Variants in ADAMTS14 observed in about 807,000 individuals in gnomAD.
ADAMTS14 encodes ADAM metallopeptidase with thrombospondin type 1 motif 14, also known as A disintegrin and metalloproteinase with thrombospondin motifs 14.
A neutral mutation model predicts 128.6 loss-of-function variants in ADAMTS14; 100 were observed. The ratio of observed to expected loss-of-function variants is 0.78; its 90% confidence interval spans 0.66 to 0.92. The LOEUF is 0.92. Among genes scored for constraint, ADAMTS14 ranks in the 40% least tolerant of loss-of-function variants. ADAMTS14 has a pLI of 0.00. For missense variants in ADAMTS14, 1,562 were observed against 1,658.6 expected (o/e 0.94, Z 1.01); for synonymous variants, 665 against 653.8 (o/e 1.02, Z -0.26).
chr10:70,686,738 C>T (rs1839967657), intron 2 of ADAMTS14, among the ~76,000 whole-genome samples: 1 of 45,800 alleles, frequency 2.2e-5, no homozygotes, highest in Non-Finnish European at 4.6e-5. Context: ...CCCCGCCTTT[C>T]CCGCCTTTCT....
chr10:70,688,443 A>G (rs7477050), intron 2 of ADAMTS14, among the ~76,000 whole-genome samples: 3 of 50,830 alleles, frequency 5.9e-5, no homozygotes, highest in Non-Finnish European at 8.8e-5. Context: ...AGGCAGAGAC[A>G]CTCCTCACTT....
intron 2 of ADAMTS14, among the ~76,000 whole-genome samples, chr10:70,687,852 C>A (rs1840028254): frequency 1.5e-5 from 1 of 65,674 alleles, no homozygotes; most frequent in African/African-American, 5.9e-5. Flanking sequence ...GGGCGGCTGG[C>A]CGGGCGGGGG....
chr10:70,743,892 C>G (rs571746862), intron 13 of ADAMTS14, among the ~76,000 whole-genome samples, 174 bp from the exon 14 acceptor site: 1 of 152,170 alleles, frequency 6.6e-6, no homozygotes, highest in Admixed American at 6.5e-5. Flanking sequence ...CTCATCACGC[C>G]GGGTGTAAGA....
intron 3 of ADAMTS14, among the ~76,000 whole-genome samples, chr10:70,705,399 C>T (rs1840631162): frequency 6.6e-6 from 1 of 152,250 alleles, no homozygotes; most frequent in African/African-American, 2.4e-5. Context: ...CTCCGTGGGG[C>T]TGCCCATGCC....
At chr10:70,749,239 CGTT>C (rs918127331) in intron 15 of ADAMTS14, among the ~76,000 whole-genome samples, 16 of 152,182 alleles carry the variant, frequency 1.1e-4, no homozygotes, top group African/African-American at 3.9e-4. Flanking sequence ...GAACTCTTCT[CGTT>C]GTCCTGAGAG....
At position 70,672,812 on chromosome 10, in the gene ADAMTS14, C is replaced by G. The variant is rs1184839191; in HGVS notation, c.10C>G (p.Leu4Val). The part of the protein sequence containing the change: MAP[L>V]RALLSYLLPL... ...GTCCCAGCGCGGCCACATGGCTCCA[C>G]TCCGCGCGCTGCTGTCCTACCTGCT... Residue 4 changes from leucine (L) to valine (V), a missense_variant, in exon 1 of 22, where the codon CTC becomes GTC. By Grantham distance (32) the Leu-to-Val change is conservative (BLOSUM62 1). Coordinates refer to ENST00000373207, the MANE Select transcript of ADAMTS14 (RefSeq NM_080722.4). 31 of 1,511,268 alleles carry G rather than the reference C, an allele frequency of 2.1e-5. No individual in the cohort carries two copies. Among genetic ancestry groups the G allele is most frequent in the Non-Finnish European group, 2.7e-5 (31 of 1,134,022 alleles). The allele number at this position is 1,511,268 out of a possible 1,614,324, so 93.6% of individuals were successfully genotyped here.
chr10:70,732,212 C>T (rs1214381452), intron 6 of ADAMTS14, 42 bp from the exon 7 acceptor site: 4 of 1,555,054 alleles, frequency 2.6e-6, no homozygotes, highest in Non-Finnish European at 3.5e-6. Context: ...GCCTCACCTG[C>T]CCTCCACCTC....
In ADAMTS14 at chr10:70,672,594, C is replaced by A. The variant is rs1454281646; in HGVS notation, c.-209C>A. Among the ~76,000 whole-genome samples the A allele has an allele frequency of 6.6e-6, 1 of 151,648 alleles. No individual in the cohort carries two copies. The highest frequency in any genetic ancestry group is 1.5e-5 in the Non-Finnish European group (1 of 67,862). The stretch of plus-strand genomic sequence containing the variant: ...CCCCGCTCTCCAGCCGGCAGCCTCG[C>A]GCGCCCGGAGCCAGCGGTCCAGGCG... On this transcript the variant is annotated 5_prime_UTR_variant, in exon 1 of 22. Transcript: ENST00000373207.
chr10:70,710,173 A>C (rs945631013), intron 4 of ADAMTS14, among the ~76,000 whole-genome samples: 3 of 152,140 alleles, frequency 2.0e-5, no homozygotes, highest in Non-Finnish European at 4.4e-5. Context: ...GGCCTGGGGG[A>C]GGTGGGCAGT....
At chr10:70,721,721 G>A (rs1270922102) in intron 4 of ADAMTS14, among the ~76,000 whole-genome samples, 1 of 152,206 alleles carries the variant, frequency 6.6e-6, no homozygotes, top group African/African-American at 2.4e-5. Context: ...CACAGATAAG[G>A]CAACATGAAC....
At chr10:70,711,799 C>T (rs879330535) in intron 4 of ADAMTS14, among the ~76,000 whole-genome samples, 5 of 152,006 alleles carry the variant, frequency 3.3e-5, no homozygotes, top group Non-Finnish European at 7.4e-5. Flanking sequence ...ATGGTATCCA[C>T]GAGAGAAGCG....
At chr10:70,755,508 A>G (rs1399957636) in intron 19 of ADAMTS14, among the ~76,000 whole-genome samples, 1 of 151,962 alleles carries the variant, frequency 6.6e-6, no homozygotes. Context: ...TGATTGTACA[A>G]CAATGGGAAT....
chr10:70,693,231 G>A (rs967824138), intron 2 of ADAMTS14, among the ~76,000 whole-genome samples: 8 of 152,088 alleles, frequency 5.3e-5, no homozygotes, highest in Non-Finnish European at 1.2e-4. Flanking sequence ...ACCATTCCCC[G>A]CCTCTAACAC....
At chr10:70,673,281 GTC>G (rs67395045) in intron 1 of ADAMTS14, among the ~76,000 whole-genome samples, 32,447 of 151,638 alleles carry the variant, frequency 0.21, 3,870 homozygotes, top group South Asian at 0.32. Context: ...GTGTGTGTGT[GTC>G]TGTGTGTGGC....
chr10:70,679,489 G>A (rs1471695593), intron 2 of ADAMTS14, among the ~76,000 whole-genome samples: 1 of 152,178 alleles, frequency 6.6e-6, no homozygotes, highest in South Asian at 2.1e-4. Flanking sequence ...TCCTGGAGAA[G>A]TTGTGGCGTG....
At chr10:70,710,372 G>C (rs1397387951) in intron 4 of ADAMTS14, among the ~76,000 whole-genome samples, 1 of 152,254 alleles carries the variant, frequency 6.6e-6, no homozygotes, top group Non-Finnish European at 1.5e-5. Context: ...GAAGGCCAAA[G>C]CTTCCAGCCC....
Position 70,741,030 on chromosome 10 carries a change from T to C in ADAMTS14, c.1792T>C (p.Tyr598His), listed in dbSNP as rs759954536. 6.2e-7 allele frequency: 1 copy of C among 1,614,092 alleles called. No individual in the cohort carries two copies. The highest frequency in any genetic ancestry group is 2.2e-5 in the East Asian group (1 of 44,876). ...GRLCLGPMFEYQVCNSEECPG... is the reference protein window; with the variant it reads ...GRLCLGPMFEHQVCNSEECPG... ...CCTGTGCTTAGGGCCCATGTTCGAGTACCAGGTCTGCAACAGCGAGGAGTG... is the reference window on the plus strand; with the variant it reads ...CCTGTGCTTAGGGCCCATGTTCGAGCACCAGGTCTGCAACAGCGAGGAGTG... The change falls in exon 12 of 22, where the codon TAC becomes CAC. Residue 598 changes from tyrosine (Y) to histidine (H), a missense_variant. Coordinates refer to ENST00000373207, the MANE Select transcript of ADAMTS14 (RefSeq NM_080722.4).
intron 4 of ADAMTS14, among the ~76,000 whole-genome samples, chr10:70,713,929 C>G (rs1840938009): frequency 6.6e-6 from 1 of 152,236 alleles, no homozygotes; most frequent in South Asian, 2.1e-4. Flanking sequence ...TGCCGTGACT[C>G]ACACCTATAA....
intron 4 of ADAMTS14, among the ~76,000 whole-genome samples, chr10:70,713,996 C>T (rs541046787): frequency 4.6e-5 from 7 of 152,240 alleles, no homozygotes; most frequent in African/African-American, 1.7e-4. Context: ...GAGTTCAAGA[C>T]AAGCCTGGGC....
Sources: allele counts gnomAD v4.1 joint callset (sites outside exome capture counted in the v4.1 genomes callset), GRCh38; gene constraint gnomAD v4.1.1; transcripts MANE v1.5; gene names NCBI Gene and HGNC (gene_info 2026-07-23, HGNC 2026-07-21).